Variants in PHTF2 observed in about 807,000 individuals in gnomAD.
PHTF2 encodes the protein protein PHTF2.
In PHTF2, 60 loss-of-function variants were observed where a neutral mutation model predicts 101.2. The ratio of observed to expected loss-of-function variants is 0.59; its 90% CI spans 0.48 to 0.73. The LOEUF is 0.73. Ranked by LOEUF, PHTF2 falls within the 30% of genes least tolerant of loss-of-function variation. PHTF2 has a pLI of 0.00. For synonymous variants in PHTF2, 311 were observed against 307.3 expected, an observed-to-expected ratio of 1.01 and a Z score of -0.13; for missense variants, 747 against 908.7, an observed-to-expected ratio of 0.82 and a Z score of 2.29.
At chr7:77,823,796 A>C (rs1794493538) in intron 1 of PHTF2, among the ~76,000 whole-genome samples, 1 of 152,232 alleles carries the variant, frequency 6.6e-6, no homozygotes, top group African/African-American at 2.4e-5. Flanking sequence ...TGTGTGAAAC[A>C]AAGTAGAGAC....
chr7:77,929,967 T>TA (rs1804408529), intron 12 of PHTF2, among the ~76,000 whole-genome samples: 1 of 150,212 alleles, frequency 6.7e-6, no homozygotes, highest in South Asian at 2.1e-4. Flanking sequence ...TTTTTTTTTT[T>TA]TGAGATGGAG....
rs201606651 is a variant in PHTF2, at chr7:77,935,120, T to TCC, written c.1339-2581_1339-2580dup. Among the ~76,000 whole-genome samples the TCC allele has an allele frequency of 6.3e-3, 424 of 67,492 alleles. 10 individuals are homozygous for TCC. The highest frequency in any genetic ancestry group is 0.02 in the African/African-American group (401 of 20,468). The allele number at this position is 67,492 out of a possible 152,430, so 44.3% of individuals were successfully genotyped here. ...AACAAGACTGTTTTTCAGTGTACATTCCCCCCCCCCACACACACACACAGA... is the reference window on the plus strand; with the variant it reads ...AACAAGACTGTTTTTCAGTGTACATTCCCCCCCCCCCCACACACACACACAGA... On this transcript the variant is annotated intron_variant, in intron 12 of 19. Transcript: ENST00000416283.
intron 3 of PHTF2, among the ~76,000 whole-genome samples, chr7:77,870,629 A>T (rs1352918484): frequency 2.0e-5 from 3 of 152,112 alleles, no homozygotes; most frequent in Non-Finnish European, 2.9e-5. Flanking sequence ...CTCCTTTGGC[A>T]ACACCCTCAC....
chr7:77,824,383 ACTTC>A (rs1266915028), intron 1 of PHTF2, among the ~76,000 whole-genome samples: 4 of 151,534 alleles, frequency 2.6e-5, no homozygotes, highest in Non-Finnish European at 5.9e-5. Flanking sequence ...TCCTCCCTTT[ACTTC>A]CTTTTGTTAG....
chr7:77,862,727 A>G (rs895987217), intron 3 of PHTF2, among the ~76,000 whole-genome samples: 1 of 152,228 alleles, frequency 6.6e-6, no homozygotes, highest in South Asian at 2.1e-4. Context: ...ATGTTCATCA[A>G]TGATATAATA....
intron 5 of PHTF2, among the ~76,000 whole-genome samples, chr7:77,898,779 C>CTTTA (rs199645271): frequency 2.3e-4 from 35 of 151,952 alleles, no homozygotes; most frequent in Middle Eastern, 3.4e-3. Flanking sequence ...CAGAGGTTAT[C>CTTTA]TTTATTTATT....
In PHTF2 at chr7:77,843,980, ATTTG is replaced by A. The variant is rs1362327166; in HGVS notation, c.45+3685_45+3688del. 7.9e-5 allele frequency among the ~76,000 whole-genome samples: 12 copies of A among 152,246 alleles called. No individual in the cohort carries two copies. The East Asian group carries it at 2.1e-3, about 27-fold the overall frequency. On this transcript the variant is annotated intron_variant, in intron 2 of 19. Coordinates refer to ENST00000416283, the Ensembl canonical transcript of PHTF2. ...AACATTTATCTTCATTTTCTTGAATATTTGTTTGGTTAGTAACTCACTTCTTTTT... is the reference window on the plus strand; with the variant it reads ...AACATTTATCTTCATTTTCTTGAATATTTGGTTAGTAACTCACTTCTTTTT...
intron 3 of PHTF2, among the ~76,000 whole-genome samples, chr7:77,862,765 C>T (rs1272190605): frequency 6.6e-6 from 1 of 152,118 alleles, no homozygotes. Flanking sequence ...AAGTGTCTTG[C>T]AGTCAGTTTA....
chr7:77,818,110 CAAAA>C, intron 1 of PHTF2, among the ~76,000 whole-genome samples: 1 of 90,642 alleles, frequency 1.1e-5, no homozygotes, highest in Admixed American at 1.2e-4. Context: ...AACTCCGTCT[CAAAA>C]AAAAAAAAAA....
intron 3 of PHTF2, among the ~76,000 whole-genome samples, chr7:77,865,233 C>CTT (rs879874926): frequency 6.9e-6 from 1 of 144,938 alleles, no homozygotes; most frequent in African/African-American, 2.5e-5. Flanking sequence ...CCTCTTTTTT[C>CTT]TTTTTTTTTT....
At chr7:77,816,651 G>A (rs1038924318) in intron 1 of PHTF2, among the ~76,000 whole-genome samples, 1 of 152,128 alleles carries the variant, frequency 6.6e-6, no homozygotes, top group African/African-American at 2.4e-5. Flanking sequence ...CAGTGGTATA[G>A]AACACTAGAA....
intron 1 of PHTF2, among the ~76,000 whole-genome samples, chr7:77,812,405 T>A (rs886814483): frequency 1.3e-5 from 2 of 152,190 alleles, no homozygotes; most frequent in Admixed American, 6.5e-5. Context: ...TTATCTCTAA[T>A]CAGGAGAAGC....
At chr7:77,889,823 T>C (rs1800217045) in intron 3 of PHTF2, among the ~76,000 whole-genome samples, 1 of 151,934 alleles carries the variant, frequency 6.6e-6, no homozygotes, top group African/African-American at 2.4e-5. Context: ...ATGGTCTCCA[T>C]CTCCTGACTT....
At chr7:77,910,385 G>C (rs1423708009) in exon 9 of PHTF2, 1 of 1,612,574 alleles carries the variant, frequency 6.2e-7, no homozygotes, top group East Asian at 2.2e-5. Flanking sequence ...AGAGATCTCT[G>C]GCATGCTGCT....
chr7:77,833,513 G>C (rs1795219925), intron 1 of PHTF2, among the ~76,000 whole-genome samples: 1 of 152,172 alleles, frequency 6.6e-6, no homozygotes, highest in Non-Finnish European at 1.5e-5. Context: ...TGTAATCCCA[G>C]CACTTGGGGA....
At position 77,816,394 on chromosome 7, in the gene PHTF2, T is replaced by C. The variant is rs554090401; in HGVS notation, c.-36+17423T>C. 2.0e-5 allele frequency among the ~76,000 whole-genome samples: 3 copies of C among 152,268 alleles called. No individual in the cohort carries two copies. In the South Asian group the frequency reaches 6.2e-4, roughly 32 times the overall value. Reference sequence around the variant, plus strand: ...CTGACATGAAATAACTTTTAATAGTTTGCCTGTTTATAGTACATGGGTCCA... The same window carrying C: ...CTGACATGAAATAACTTTTAATAGTCTGCCTGTTTATAGTACATGGGTCCA... On this transcript the variant is annotated intron_variant, in intron 1 of 19. Coordinates refer to ENST00000416283, the Ensembl canonical transcript of PHTF2.
exon 3 of PHTF2, chr7:77,854,785 G>A (rs1797042791): frequency 1.3e-6 from 1 of 750,392 alleles, no homozygotes; most frequent in Non-Finnish European, 2.4e-6. Flanking sequence ...GTACTGCCTG[G>A]CTACTGCCAG....
chr7:77,836,481 G>A (rs959395422), intron 1 of PHTF2, among the ~76,000 whole-genome samples: 1 of 152,044 alleles, frequency 6.6e-6, no homozygotes, highest in African/African-American at 2.4e-5. Flanking sequence ...CTGGTCTTTG[G>A]CATTTTGTGT....
intron 2 of PHTF2, among the ~76,000 whole-genome samples, chr7:77,845,653 G>A (rs1021870745): frequency 1.3e-5 from 2 of 152,024 alleles, no homozygotes; most frequent in East Asian, 1.9e-4. Flanking sequence ...GCATGCACAC[G>A]TGTGTGTGTG....
Sources: gnomAD v4.1 joint callset for allele counts (sites outside exome capture counted in the v4.1 genomes callset) on GRCh38, gnomAD v4.1.1 for gene constraint, MANE v1.5 for transcripts, NCBI Gene and HGNC (gene_info 2026-07-23, HGNC 2026-07-21) for gene names.